The following MSANTD3 variants were observed in gnomAD, a reference collection of about 807,000 sequenced individuals.
The protein encoded by MSANTD3 is Myb/SANT DNA binding domain containing 3, also known as myb/SANT-like DNA-binding domain-containing protein 3.
A neutral mutation model predicts 27.7 loss-of-function variants in MSANTD3; 11 were observed. The observed-to-expected ratio is 0.40, with a 90% CI of 0.25 to 0.66. The LOEUF is 0.66. Among genes scored for constraint, MSANTD3 ranks in the 30% least tolerant of loss-of-function variants. The pLI is 0.41. For missense variants in MSANTD3, 250 were observed against 336.5 expected (o/e 0.74, Z 2.01); for synonymous variants, 131 against 127.2 (o/e 1.03, Z -0.20).
chr9:100,443,699 G>T (rs982702721), intron 2 of MSANTD3, among the ~76,000 whole-genome samples: 1 of 152,212 alleles, frequency 6.6e-6, no homozygotes, highest in African/African-American at 2.4e-5. Context: ...CAAAAGGTTG[G>T]AATTTAGGGG....
chr9:100,448,263 G>A (rs1731446142), intron 2 of MSANTD3: 2 of 984,890 alleles, frequency 2.0e-6, no homozygotes, highest in East Asian at 1.1e-4. Flanking sequence ...CATTGTGAGG[G>A]GATGAACTTT....
chr9:100,440,083 C>T (rs1282333762), intron 1 of MSANTD3, among the ~76,000 whole-genome samples: 2 of 152,142 alleles, frequency 1.3e-5, no homozygotes, highest in Non-Finnish European at 2.9e-5. Flanking sequence ...GAATAGCGTG[C>T]AGTCCTAAAA....
At chr9:100,430,311 T>G (rs1169729310) in intron 1 of MSANTD3, among the ~76,000 whole-genome samples, 11 of 133,186 alleles carry the variant, frequency 8.3e-5, no homozygotes, top group East Asian at 2.1e-4. Context: ...ACTTTGGGAG[T>G]GAGACTCTGT....
chr9:100,444,902 C>A, intron 2 of MSANTD3: 1 of 314,540 alleles, frequency 3.2e-6, no homozygotes, highest in South Asian at 1.1e-4. Context: ...AATAGTGACT[C>A]AAGTATAAAC....
At chr9:100,442,432 T>G in intron 2 of MSANTD3, 76 bp downstream of exon 2, 1 of 1,506,938 alleles carries the variant, frequency 6.6e-7, no homozygotes, top group Non-Finnish European at 8.8e-7. Flanking sequence ...ACCCTCCACT[T>G]TGAGGGAACT....
chr9:100,440,638 T>C (rs1350052924), intron 1 of MSANTD3, among the ~76,000 whole-genome samples: 2 of 150,052 alleles, frequency 1.3e-5, no homozygotes, highest in African/African-American at 4.9e-5. Flanking sequence ...TCATCCAGGC[T>C]GGAGTGCGGT....
intron 1 of MSANTD3, among the ~76,000 whole-genome samples, chr9:100,441,488 A>C (rs2118226126): frequency 1.3e-5 from 2 of 151,548 alleles, no homozygotes; most frequent in South Asian, 4.2e-4. Context: ...ACAAAAAAAA[A>C]ATTAGCCGGG....
chr9:100,435,300 A>G (rs1564247523), intron 1 of MSANTD3, among the ~76,000 whole-genome samples: 1 of 152,172 alleles, frequency 6.6e-6, no homozygotes, highest in African/African-American at 2.4e-5. Context: ...TCAGCAGTCT[A>G]TTAATGTCCT....
intron 1 of MSANTD3, among the ~76,000 whole-genome samples, chr9:100,441,431 C>T (rs534603636): frequency 1.3e-5 from 2 of 151,320 alleles, no homozygotes; most frequent in South Asian, 2.1e-4. Flanking sequence ...GTCAGTAGTT[C>T]GAGACCAGCC....
At position 100,443,826 on chromosome 9, in the gene MSANTD3, T is replaced by G. The variant is rs551922153; in HGVS notation, c.418+1470T>G. Among the ~76,000 whole-genome samples the G allele has an allele frequency of 3.9e-5, 6 of 152,202 alleles. No individual in the cohort carries two copies. The South Asian group carries it at 1.2e-3, about 32-fold the overall frequency. On this transcript the variant is annotated intron_variant, in intron 2 of 2. Coordinates refer to ENST00000395067, the MANE Select transcript of MSANTD3 (RefSeq NM_080655.3). ...GTTTATATAAAAATTAATTGCAGTT[T>G]GCAGAAGACAGACATTGAAGCAGAG...
At chr9:100,430,324 CAA>C (rs35854801) in intron 1 of MSANTD3, among the ~76,000 whole-genome samples, 97 of 95,974 alleles carry the variant, frequency 1.0e-3, no homozygotes, top group Middle Eastern at 0.011. Flanking sequence ...GACTCTGTGT[CAA>C]AAAAAAAAAA....
intron 1 of MSANTD3, among the ~76,000 whole-genome samples, chr9:100,431,299 G>T (rs1836371932): frequency 7.2e-6 from 1 of 137,994 alleles, no homozygotes; most frequent in South Asian, 2.3e-4. Context: ...ACCATGCCTA[G>T]CCTTTTTTTT....
At chr9:100,436,739 G>C (rs1218536349) in intron 1 of MSANTD3, among the ~76,000 whole-genome samples, 1 of 152,164 alleles carries the variant, frequency 6.6e-6, no homozygotes, top group Admixed American at 6.5e-5. Context: ...TGCTCAAGCG[G>C]AATGCCAGCA....
In MSANTD3 at chr9:100,433,431, A is replaced by G. The variant is rs4743398; in HGVS notation, c.-34+6038A>G. On this transcript the variant is annotated intron_variant, in intron 1 of 2. Transcript: ENST00000395067. ...GTCACCCTGGCTGGCATGCAGTGGC[A>G]TGATCATATCTCACTGCAACCTCAA... Among the ~76,000 whole-genome samples the G allele has an allele frequency of 3.1e-3, 471 of 152,158 alleles. 12 individuals are homozygous for G. The highest frequency in any genetic ancestry group is 0.022 in the Admixed American group (343 of 15,286).
Position 100,431,045 on chromosome 9 carries a change from C to G in MSANTD3, c.-34+3652C>G, listed in dbSNP as rs1836365567. Among the ~76,000 whole-genome samples the G allele has an allele frequency of 2.6e-5, 4 of 151,620 alleles. No homozygotes were observed. In the South Asian group the frequency reaches 8.3e-4, roughly 32 times the overall value. On this transcript the variant is annotated intron_variant, in intron 1 of 2. Transcript: ENST00000395067. Reference sequence around the variant, plus strand: ...GAGATGGAGTTTTGCTCTTGTTGCCCAGGCTGGAGTGCAACGGCGCAATCT... The same window carrying G: ...GAGATGGAGTTTTGCTCTTGTTGCCGAGGCTGGAGTGCAACGGCGCAATCT...
At chr9:100,443,185 A>G (rs954875686) in intron 2 of MSANTD3, among the ~76,000 whole-genome samples, 1 of 152,114 alleles carries the variant, frequency 6.6e-6, no homozygotes, top group Non-Finnish European at 1.5e-5. Context: ...GGATCACCCG[A>G]GGTTGGGAGT....
chr9:100,449,239 T>TA (rs919327619), intron 2 of MSANTD3: 70 of 985,210 alleles, frequency 7.1e-5, no homozygotes, highest in Middle Eastern at 5.2e-4. Context: ...ACTGCTCTAA[T>TA]AAAAAAAGCA....
At chr9:100,428,294 C>T (rs1227999860) in intron 1 of MSANTD3, among the ~76,000 whole-genome samples, 1 of 152,176 alleles carries the variant, frequency 6.6e-6, no homozygotes, top group Non-Finnish European at 1.5e-5. Context: ...ACATTTAAAA[C>T]TGGAGGTAGG....
At chr9:100,434,483 T>C (rs2118189961) in intron 1 of MSANTD3, among the ~76,000 whole-genome samples, 1 of 152,198 alleles carries the variant, frequency 6.6e-6, no homozygotes, top group Admixed American at 6.5e-5. Flanking sequence ...TGAGCCGAGA[T>C]CACGCCACTC....
Sources: gnomAD v4.1 joint callset for allele counts (sites outside exome capture counted in the v4.1 genomes callset) on GRCh38, gnomAD v4.1.1 for gene constraint, MANE v1.5 for transcripts, NCBI Gene and HGNC (gene_info 2026-07-23, HGNC 2026-07-21) for gene names.